The following GIPR variants were observed in gnomAD, a reference collection of about 807,000 sequenced individuals.
GIPR encodes the protein GIP-R.
A neutral mutation model predicts 62.2 loss-of-function variants in GIPR; 74 were observed. The observed-to-expected ratio is 1.19, with a 90% CI of 0.99 to 1.44. The LOEUF (loss-of-function observed/expected upper bound fraction) is 1.44. Ranked by LOEUF, GIPR falls within the 40% of genes most tolerant of loss-of-function variation. GIPR has a pLI of 0.00. For synonymous variants in GIPR, 256 were observed against 262.2 expected, an observed-to-expected ratio of 0.98 and a Z score of 0.23; for missense variants, 664 against 611.8, an observed-to-expected ratio of 1.09 and a Z score of -0.90.
chr19:45,677,252 G>A (rs1023864924), intron 8 of GIPR, 71 bp from the exon 9 acceptor site: 59 of 1,379,928 alleles, frequency 4.3e-5, no homozygotes, highest in Non-Finnish European at 5.5e-5. Flanking sequence ...CGCGGGTCTT[G>A]GGCCTGGCGG....
At chr19:45,672,088 T>G (rs972456203) in intron 4 of GIPR, among the ~76,000 whole-genome samples, 1 of 151,592 alleles carries the variant, frequency 6.6e-6, no homozygotes, top group African/African-American at 2.4e-5. Context: ...CATAGTTCAC[T>G]GCAGCCTGGG....
rs2146082106 is a variant in GIPR at position 45,674,269 on chromosome 19, A to G, written c.488+92A>G. ...GGGGTGGTCTGTTTCCACCAGGTCCAGCTATCCACTGGTGGTTCTATGGGG... is the reference window on the plus strand; with the variant it reads ...GGGGTGGTCTGTTTCCACCAGGTCCGGCTATCCACTGGTGGTTCTATGGGG... On this transcript the variant is annotated intron_variant, in intron 6 of 13. Transcript: ENST00000590918. 1.3e-5 allele frequency: 11 copies of G among 852,312 alleles called. No individual in the cohort carries two copies. In the South Asian group the frequency reaches 1.4e-4, roughly 11 times the overall value. The allele number at this position is 852,312 out of a possible 1,614,324, so 52.8% of individuals were successfully genotyped here. A position where few individuals can be genotyped will look rare whatever the true frequency, so the allele number is the denominator to read the frequency against.
intron 7 of GIPR, 26 bp from the exon 8 acceptor site, chr19:45,676,923 C>T (rs767398381): frequency 1.9e-4 from 314 of 1,611,212 alleles, no homozygotes; most frequent in Non-Finnish European, 2.5e-4. Flanking sequence ...GCTGACTACC[C>T]CTCTACCGGT....
chr19:45,674,544 C>T, intron 6 of GIPR, 138 bp from the exon 7 acceptor site: 2 of 768,328 alleles, frequency 2.6e-6, no homozygotes, highest in South Asian at 2.9e-5. Flanking sequence ...GAGGTTGAGG[C>T]TGCAGTGAGC....
chr19:45,672,860 G>A lies in GIPR; in HGVS notation c.290G>A (p.Gly97Asp), dbSNP rs557495616. ...TCTTCTTTCCCCACAGTGGCTGCAG[G>A]TTTCGTCCTCCGCCAGTGTGGCAGT... ...YLPWHHHVAA[G>D]FVLRQCGSDG... is the part of the protein sequence containing the mutation. The change falls in exon 5 of 14, where the codon GGT becomes GAT. Residue 97 changes from glycine (G) to aspartate (D), a missense_variant. Gly to Asp is a moderately conservative substitution (Grantham distance 94, BLOSUM62 -1). Transcript: ENST00000590918. The A allele has an allele frequency of 1.2e-6, 2 of 1,608,782 alleles. No homozygotes were observed. The highest frequency in any genetic ancestry group is 1.7e-6 in the Non-Finnish European group (2 of 1,175,254).
Position 45,682,115 on chromosome 19 carries a change from C to T in GIPR, c.*180C>T. ...CGTGAACACAAAACATCAAGTTCCACACACGCTATGGAATGGTTATGAAGG... is the reference window on the plus strand; with the variant it reads ...CGTGAACACAAAACATCAAGTTCCATACACGCTATGGAATGGTTATGAAGG... On this transcript the variant is annotated 3_prime_UTR_variant, in exon 14 of 14. Transcript: ENST00000590918. 1.6e-6 allele frequency: 1 copy of T among 645,046 alleles called. No individual in the cohort carries two copies. Among genetic ancestry groups the T allele is most frequent in the Non-Finnish European group, 2.8e-6 (1 of 357,846 alleles). 40.0% of individuals were successfully genotyped at this position (645,046 alleles called of 1,614,324 possible). A position where few individuals can be genotyped will look rare whatever the true frequency, so the allele number is the denominator to read the frequency against.
chr19:45,670,736 T>G lies in GIPR; in HGVS notation c.172+2T>G, dbSNP rs1424868716. Reference sequence around the variant, plus strand: ...TGGCAGCCGCGGAACCGCCTTCAGGTGTGACCAGGAGGGCTGGGGACGCGG... The same window carrying G: ...TGGCAGCCGCGGAACCGCCTTCAGGGGTGACCAGGAGGGCTGGGGACGCGG... On this transcript the variant is annotated splice_donor_variant, in intron 3 of 13. Transcript: ENST00000590918. LOFTEE classifies it high-confidence loss of function. The G allele has an allele frequency of 6.3e-7, 1 of 1,585,992 alleles. No homozygotes were observed.
chr19:45,677,468 G>T, intron 9 of GIPR, 85 bp downstream of exon 9: 1 of 1,018,472 alleles, frequency 9.8e-7, no homozygotes, highest in Admixed American at 1.9e-5. Context: ...ATGTGGGCAG[G>T]GTCGGAAGGC....
chr19:45,672,557 G>A, intron 4 of GIPR: 1 of 370,224 alleles, frequency 2.7e-6, no homozygotes, highest in Admixed American at 3.7e-5. Context: ...CACCTGTCTT[G>A]GCCTCCCAAA....
At chr19:45,677,188 C>A in intron 8 of GIPR, 80 bp downstream of exon 8, 1 of 1,488,114 alleles carries the variant, frequency 6.7e-7, no homozygotes, top group Non-Finnish European at 9.2e-7. Context: ...TTGGCCTCTG[C>A]GGGTCTCCTC....
At chr19:45,673,332 A>G (rs1425693719) in intron 5 of GIPR, among the ~76,000 whole-genome samples, 1 of 147,732 alleles carries the variant, frequency 6.8e-6, no homozygotes, top group Non-Finnish European at 1.5e-5. Flanking sequence ...AGACATGAGA[A>G]TTGCTTGAAC....
Position 45,681,777 on chromosome 19 carries a change from A to G in GIPR, c.1243A>G (p.Ser415Gly), listed in dbSNP as rs1967252905. Residue 415 changes from serine to glycine, a missense_variant, in exon 14 of 14, where the codon AGC becomes GGC. Coordinates refer to ENST00000590918, the MANE Select transcript of GIPR (RefSeq NM_000164.4). Reference protein sequence around the residue: ...RGWHHCRLRRSLGEEQRQLPE... With the variant: ...RGWHHCRLRRGLGEEQRQLPE... ...CTGGCACCACTGCCGCCTGCGCCGCAGCCTGGGCGAGGAGCAACGCCAGCT... is the reference window on the plus strand; with the variant it reads ...CTGGCACCACTGCCGCCTGCGCCGCGGCCTGGGCGAGGAGCAACGCCAGCT... 3 of 1,599,400 alleles carry G rather than the reference A, an allele frequency of 1.9e-6. No individual in the cohort carries two copies. The highest frequency in any genetic ancestry group is 2.6e-6 in the Non-Finnish European group (3 of 1,172,890).
At chr19:45,672,644 G>T (rs1368478077) in intron 4 of GIPR, 2 of 547,978 alleles carry the variant, frequency 3.6e-6, no homozygotes, top group Non-Finnish European at 6.7e-6. Flanking sequence ...TGTAGAACTA[G>T]GTTAAGGATA....
chr19:45,669,467 G>T lies in GIPR; in HGVS notation c.-44-10G>T. 1 of 1,543,948 alleles carries T rather than the reference G, an allele frequency of 6.5e-7. No homozygotes were observed. The highest frequency in any genetic ancestry group is 1.2e-5 in the South Asian group (1 of 84,130). On this transcript the variant is annotated splice_polypyrimidine_tract_variant and intron_variant, in intron 1 of 13. Transcript: ENST00000590918. Reference sequence around the variant, plus strand: ...GGCAGAGGTGCTGACCTTGCCCTGGGACCCTCCAGGCCTGATCGCCCCTGC... The same window carrying T: ...GGCAGAGGTGCTGACCTTGCCCTGGTACCCTCCAGGCCTGATCGCCCCTGC...
chr19:45,672,619 C>T, intron 4 of GIPR: 1 of 473,020 alleles, frequency 2.1e-6, no homozygotes, highest in Non-Finnish European at 3.9e-6. Context: ...CATTTTGTAC[C>T]TCAATTTTCC....
Position 45,682,275 on chromosome 19 carries a change from A to C in GIPR, c.*340A>C. 3.3e-6 allele frequency: 1 copy of C among 306,226 alleles called. No homozygotes were observed. Among genetic ancestry groups the C allele is most frequent in the Non-Finnish European group, 6.1e-6 (1 of 164,248 alleles). 19.0% of individuals were successfully genotyped at this position (306,226 alleles called of 1,614,324 possible). On this transcript the variant is annotated 3_prime_UTR_variant, in exon 14 of 14. Transcript: ENST00000590918. ...GGATTCTAGGCGGAAGCGATAGCAT[A>C]GGCAAAGGCCCTTGGGCAGGAAGGC...
chr19:45,676,249 T>C (rs1975851693), intron 7 of GIPR, among the ~76,000 whole-genome samples: 1 of 148,546 alleles, frequency 6.7e-6, no homozygotes, highest in Non-Finnish European at 1.5e-5. Flanking sequence ...GGAGAGTCCA[T>C]AATGTGGGTA....
At chr19:45,671,748 G>A (rs559917858) in intron 4 of GIPR, among the ~76,000 whole-genome samples, 39 of 151,784 alleles carry the variant, frequency 2.6e-4, no homozygotes, top group African/African-American at 8.7e-4. Flanking sequence ...TACAGAAGCC[G>A]GGATTACAGG....
intron 3 of GIPR, 28 bp downstream of exon 3, chr19:45,670,762 G>A (rs1345594042): frequency 1.4e-5 from 20 of 1,432,368 alleles, no homozygotes; most frequent in Non-Finnish European, 1.8e-5. Flanking sequence ...GGGGACGCGG[G>A]GAGGACCTGA....
Sources: allele counts gnomAD v4.1 joint callset (sites outside exome capture counted in the v4.1 genomes callset), GRCh38; gene constraint gnomAD v4.1.1; transcripts MANE v1.5; gene names NCBI Gene and HGNC (gene_info 2026-07-23, HGNC 2026-07-21).